Variants in GBP6 observed in about 807,000 individuals in gnomAD.
GBP6 encodes the protein guanylate binding protein family member 6.
Under a neutral mutation model 61.5 loss-of-function variants are expected in GBP6, and 54 were observed. The ratio of observed to expected loss-of-function variants is 0.88; its 90% CI spans 0.71 to 1.10. The LOEUF is 1.10. Among genes scored for constraint, GBP6 ranks in the 50% least tolerant of loss-of-function variants. The pLI is 0.00. For missense variants in GBP6, 748 were observed against 752.8 expected (o/e 0.99, Z 0.07); for synonymous variants, 255 against 273.7 (o/e 0.93, Z 0.67).
In GBP6 at chr1:89,385,715, T is replaced by C. The variant is rs1384895005; in HGVS notation, c.*246T>C. 3.0e-6 allele frequency: 1 copy of C among 332,968 alleles called. No homozygotes were observed. The highest frequency in any genetic ancestry group is 2.2e-5 in the African/African-American group (1 of 46,240). The allele number at this position is 332,968 out of a possible 1,614,324, so 20.6% of individuals were successfully genotyped here. Reference sequence around the variant, plus strand: ...ACCCAGCTAATTTTTGTATTTTTAGTAGAGATGGGGTTTCACTATGTTGGC... The same window carrying C: ...ACCCAGCTAATTTTTGTATTTTTAGCAGAGATGGGGTTTCACTATGTTGGC... On this transcript the variant is annotated 3_prime_UTR_variant, in exon 11 of 11. Transcript: ENST00000370456.
At chr1:89,385,196 T>TA in intron 10 of GBP6, 34 bp from the exon 11 acceptor site, 1 of 1,577,534 alleles carries the variant, frequency 6.3e-7, no homozygotes, top group Middle Eastern at 1.7e-4. Context: ...TAGGGATTTT[T>TA]AAAAATTTAC....
intron 2 of GBP6, 137 bp from the exon 3 acceptor site, chr1:89,369,409 A>G: frequency 1.9e-6 from 2 of 1,030,058 alleles, no homozygotes; most frequent in South Asian, 2.2e-5. Context: ...TCACAAAGTA[A>G]GCCATTCTTG....
chr1:89,381,856 C>A lies in GBP6; in HGVS notation c.1034C>A (p.Pro345His), dbSNP rs1405738207. The A allele has an allele frequency of 6.2e-7, 1 of 1,613,964 alleles. No homozygotes were observed. The highest frequency in any genetic ancestry group is 8.5e-7 in the Non-Finnish European group (1 of 1,180,000). ...SQQMAQRVKL[P>H]TDTLQELLDM... ...CAGATGGCCCAGCGAGTGAAGCTCCCCACAGACACGCTCCAGGAGCTGCTG... is the reference window on the plus strand; with the variant it reads ...CAGATGGCCCAGCGAGTGAAGCTCCACACAGACACGCTCCAGGAGCTGCTG... Residue 345 changes from proline to histidine, a missense_variant, in exon 7 of 11, where the codon CCC becomes CAC. By Grantham distance (77) the Pro-to-His change is moderately conservative. Transcript: ENST00000370456.
intron 1 of GBP6, 35 bp from the exon 2 acceptor site, chr1:89,368,494 A>G: frequency 2.0e-6 from 3 of 1,494,596 alleles, no homozygotes; most frequent in Non-Finnish European, 2.8e-6. Context: ...ACACTGAGAC[A>G]GAGAATGACA....
In GBP6 at chr1:89,382,655, C is replaced by T; in HGVS notation, c.1153-9C>T. 1 of 1,611,128 alleles carries T rather than the reference C, an allele frequency of 6.2e-7. No individual in the cohort carries two copies. The highest frequency in any genetic ancestry group is 8.5e-7 in the Non-Finnish European group (1 of 1,177,336). ...CTTCTGGTGACATCTCTCTACATTT[C>T]CCTTGCAGGAAACCACAATGAATAA... On this transcript the variant is annotated splice_polypyrimidine_tract_variant and intron_variant, in intron 7 of 10. Transcript: ENST00000370456.
At chr1:89,376,873 T>C (rs1025761954) in intron 3 of GBP6, among the ~76,000 whole-genome samples, 5 of 152,138 alleles carry the variant, frequency 3.3e-5, no homozygotes, top group Non-Finnish European at 1.5e-5. Context: ...GTCTTTGGGA[T>C]TTTTATAGAA....
intron 2 of GBP6, among the ~76,000 whole-genome samples, chr1:89,369,201 C>A (rs575425783): frequency 3.3e-5 from 5 of 152,164 alleles, no homozygotes; most frequent in African/African-American, 1.2e-4. Flanking sequence ...TCTCAATTTC[C>A]CTTTTTGAGT....
chr1:89,380,033 G>T (rs537257564), intron 5 of GBP6, among the ~76,000 whole-genome samples: 2 of 152,184 alleles, frequency 1.3e-5, no homozygotes, highest in Non-Finnish European at 2.9e-5. Context: ...AACTACTAAA[G>T]AGGCTAAGGT....
intron 3 of GBP6, among the ~76,000 whole-genome samples, chr1:89,372,902 T>C (rs1244220983): frequency 6.6e-6 from 1 of 152,132 alleles, no homozygotes; most frequent in Non-Finnish European, 1.5e-5. Context: ...AGAAAATTTT[T>C]GCAATTGACT....
At chr1:89,364,968 G>A (rs1455700965) in intron 1 of GBP6, among the ~76,000 whole-genome samples, 1 of 150,988 alleles carries the variant, frequency 6.6e-6, no homozygotes, top group Non-Finnish European at 1.5e-5. Context: ...CCACTGACAG[G>A]CCCCAGTGTG....
intron 10 of GBP6, 145 bp downstream of exon 10, chr1:89,384,431 T>C (rs1008297781): frequency 2.4e-5 from 15 of 623,150 alleles, no homozygotes; most frequent in Non-Finnish European, 3.8e-5. Flanking sequence ...AATCCTTTTT[T>C]TCTTAATTGT....
intron 2 of GBP6, among the ~76,000 whole-genome samples, chr1:89,369,223 C>T (rs918386120): frequency 3.9e-5 from 6 of 152,130 alleles, no homozygotes; most frequent in South Asian, 2.1e-4. Context: ...TTTTCCTTCT[C>T]GTGTCTTTCT....
Position 89,368,352 on chromosome 1 carries a change from C to T in GBP6, c.-23-177C>T, listed in dbSNP as rs116620246. Among the ~76,000 whole-genome samples the T allele has an allele frequency of 5.0e-3, 765 of 152,276 alleles. 4 individuals carry two copies. Among genetic ancestry groups the T allele is most frequent in the African/African-American group, 0.018 (731 of 41,566 alleles). Reference sequence around the variant, plus strand: ...TTAAAGAAGATAATGTTCCATGTTTCATCACTTAATATCATTACAGACTTG... The same window carrying T: ...TTAAAGAAGATAATGTTCCATGTTTTATCACTTAATATCATTACAGACTTG... On this transcript the variant is annotated intron_variant, in intron 1 of 10. Transcript: ENST00000370456.
intron 3 of GBP6, among the ~76,000 whole-genome samples, chr1:89,370,954 T>C (rs145977776): frequency 8.6e-4 from 131 of 152,208 alleles, no homozygotes; most frequent in African/African-American, 3.0e-3. Flanking sequence ...TTATCTTTCA[T>C]AACTGAAATT....
intron 3 of GBP6, among the ~76,000 whole-genome samples, chr1:89,371,766 C>T (rs2100660981): frequency 6.6e-6 from 1 of 152,306 alleles, no homozygotes; most frequent in Admixed American, 6.5e-5. Context: ...GACAGGGATG[C>T]CCTCTCTCAC....
At chr1:89,384,647 G>A (rs1272150212) in intron 10 of GBP6, among the ~76,000 whole-genome samples, 3 of 152,110 alleles carry the variant, frequency 2.0e-5, no homozygotes, top group Non-Finnish European at 2.9e-5. Context: ...CCTTCACCAA[G>A]ACCACATATT....
At position 89,385,491 on chromosome 1, in the gene GBP6, T is replaced by C. The variant is rs1320348500; in HGVS notation, c.*22T>C. ...TTAAGGATATTATAGATTGTACATATATGCTTTGGACTATTTTTGATCTGT... is the reference window on the plus strand; with the variant it reads ...TTAAGGATATTATAGATTGTACATACATGCTTTGGACTATTTTTGATCTGT... On this transcript the variant is annotated 3_prime_UTR_variant, in exon 11 of 11. Coordinates refer to ENST00000370456, the MANE Select transcript of GBP6 (RefSeq NM_198460.3). 4 of 1,601,438 alleles carry C rather than the reference T, an allele frequency of 2.5e-6. No homozygotes were observed. The highest frequency in any genetic ancestry group is 3.4e-6 in the Non-Finnish European group (4 of 1,174,526).
intron 3 of GBP6, among the ~76,000 whole-genome samples, chr1:89,371,244 G>A (rs930302735): frequency 1.3e-5 from 2 of 152,054 alleles, no homozygotes; most frequent in Non-Finnish European, 2.9e-5. Flanking sequence ...AGGAGGAGCT[G>A]GTACCATTCC....
chr1:89,371,208 C>T (rs944488226), intron 3 of GBP6, among the ~76,000 whole-genome samples: 3 of 152,090 alleles, frequency 2.0e-5, no homozygotes, highest in African/African-American at 4.8e-5. Context: ...TAGACGGATT[C>T]GCAGCTGAAT....
Sources: allele counts gnomAD v4.1 joint callset (sites outside exome capture counted in the v4.1 genomes callset), GRCh38; gene constraint gnomAD v4.1.1; transcripts MANE v1.5; gene names NCBI Gene and HGNC (gene_info 2026-07-23, HGNC 2026-07-21).